DNAL4: variants seen among roughly 807,000 people sequenced by gnomAD.
DNAL4 encodes dynein light chain, outer arm 4.
DNAL4 carries 10 observed loss-of-function variants against 12.6 expected under a neutral mutation model. The ratio of observed to expected loss-of-function variants is 0.79; its 90% CI spans 0.49 to 1.34. The LOEUF (loss-of-function observed/expected upper bound fraction) is 1.34. DNAL4 is among the 40% of genes most tolerant of loss of function. DNAL4 has a pLI of 0.00. For synonymous variants in DNAL4, 46 were observed against 53.1 expected, an observed-to-expected ratio of 0.87 and a Z score of 0.58; for missense variants, 128 against 138.1, an observed-to-expected ratio of 0.93 and a Z score of 0.37.
rs773208580 is a variant in DNAL4, at chr22:38,782,714, C to T, written c.18G>A (p.Gly6=). Residue 6 remains glycine (G), a synonymous_variant, in exon 2 of 4, where the codon GGG becomes GGA. Coordinates refer to ENST00000216068, the MANE Select transcript of DNAL4 (RefSeq NM_005740.3). This position sits in a 1 kb window ranked among gnomAD's most constrained non-coding sequence, Gnocchi z 5.1. ...GCTTATAATCAGCCTCATCTTTCTTCCCTTCTGTTTCTCCCATGATCCTTC... is the reference window on the plus strand; with the variant it reads ...GCTTATAATCAGCCTCATCTTTCTTTCCTTCTGTTTCTCCCATGATCCTTC... MGETE[G]KKDEADYKRL... The T allele has an allele frequency of 6.8e-6, 11 of 1,612,152 alleles. No individual in the cohort carries two copies. The highest frequency in any genetic ancestry group is 2.2e-5 in the East Asian group (1 of 44,700).
chr22:38,790,249 C>T (rs867460942), intron 1 of DNAL4, among the ~76,000 whole-genome samples: 1 of 152,056 alleles, frequency 6.6e-6, no homozygotes, highest in African/African-American at 2.4e-5. Context: ...GAGCAGAGAC[C>T]GGAGGTAGGA....
chr22:38,789,649 T>C (rs983988868), intron 1 of DNAL4, among the ~76,000 whole-genome samples: 5 of 152,152 alleles, frequency 3.3e-5, no homozygotes, highest in African/African-American at 1.2e-4. Flanking sequence ...CAATCTAATA[T>C]GGAGACCAAC....
intron 3 of DNAL4, chr22:38,780,675 AG>A (rs1367431287): frequency 2.6e-5 from 13 of 494,194 alleles, no homozygotes; most frequent in Non-Finnish European, 4.4e-5. Flanking sequence ...CACCTGAGGC[AG>A]GGAACATGGG....
chr22:38,783,560 G>A (rs547579462), intron 1 of DNAL4, among the ~76,000 whole-genome samples: 12 of 152,216 alleles, frequency 7.9e-5, no homozygotes, highest in Non-Finnish European at 1.6e-4. Context: ...GAATGGGCAC[G>A]GTGCTGCTCT....
chr22:38,787,260 A>C (rs1471197202), intron 1 of DNAL4, among the ~76,000 whole-genome samples: 2 of 134,414 alleles, frequency 1.5e-5, no homozygotes, highest in African/African-American at 5.6e-5. Context: ...TTTTTTTTTG[A>C]GACAGCGTTT....
At position 38,788,002 on chromosome 22, in the gene DNAL4, AGACAAGCCAGTAACACAGAT is replaced by A. The variant is rs2093044980; in HGVS notation, c.-139-5152_-139-5133del. On this transcript the variant is annotated intron_variant, in intron 1 of 3. Coordinates refer to ENST00000216068, the MANE Select transcript of DNAL4 (RefSeq NM_005740.3). ...TTCTCCTTTGGCACAAGCAAGTAGGAGACAAGCCAGTAACACAGATGACTTCGATACTCAGCATCCACCCA... is the reference window on the plus strand; with the variant it reads ...TTCTCCTTTGGCACAAGCAAGTAGGAGACTTCGATACTCAGCATCCACCCA... 2.0e-5 allele frequency among the ~76,000 whole-genome samples: 3 copies of A among 152,308 alleles called. No homozygotes were observed. In the South Asian group the frequency reaches 6.2e-4, roughly 32 times the overall value.
intron 1 of DNAL4, among the ~76,000 whole-genome samples, chr22:38,793,750 G>C (rs767056998): frequency 4.6e-5 from 7 of 152,188 alleles, no homozygotes; most frequent in Non-Finnish European, 8.8e-5. Context: ...CTCCGCGAAA[G>C]GTCGAGGGAT....
chr22:38,782,326 T>G lies in DNAL4; in HGVS notation c.69+337A>C, dbSNP rs1309263414. Among the ~76,000 whole-genome samples the G allele has an allele frequency of 6.6e-6, 1 of 152,258 alleles. No homozygotes were observed. The highest frequency in any genetic ancestry group is 1.5e-5 in the Non-Finnish European group (1 of 68,050). ...CAGAAGCTAACCTCTGCTCTCCAGC[T>G]CCTTCCACCTGCTTCATTTTTCATT... On this transcript the variant is annotated intron_variant, in intron 2 of 3. Coordinates refer to ENST00000216068, the MANE Select transcript of DNAL4 (RefSeq NM_005740.3). This position sits in a 1 kb window ranked among gnomAD's most constrained non-coding sequence, Gnocchi z 5.1.
chr22:38,789,501 C>T (rs2093047353), intron 1 of DNAL4, among the ~76,000 whole-genome samples: 1 of 152,150 alleles, frequency 6.6e-6, no homozygotes, highest in Admixed American at 6.5e-5. Context: ...GTCTCAAACA[C>T]CTGAGCTCAA....
intron 1 of DNAL4, among the ~76,000 whole-genome samples, chr22:38,788,185 G>C (rs1052546539): frequency 1.3e-5 from 2 of 152,122 alleles, no homozygotes; most frequent in Non-Finnish European, 2.9e-5. Context: ...TAAGGACTTG[G>C]GCATTCGTCC....
rs141200803 is a variant in DNAL4, at chr22:38,781,398, T to A, written c.70-389A>T. 3.8e-3 allele frequency among the ~76,000 whole-genome samples: 577 copies of A among 152,320 alleles called. 4 individuals are homozygous for A. The highest frequency in any genetic ancestry group is 0.013 in the African/African-American group (539 of 41,568). ...CCCTGGTTTTCCTCCGGCCTTTCCC[T>A]CTGCTCCTTCTCCATCGATCTGCTG... On this transcript the variant is annotated intron_variant, in intron 2 of 3. Transcript: ENST00000216068.
chr22:38,785,983 C>T (rs989251165), intron 1 of DNAL4: 2 of 152,226 alleles, frequency 1.3e-5, no homozygotes, highest in African/African-American at 4.8e-5. Context: ...AACCACTACA[C>T]ATACTTCTGG....
intron 1 of DNAL4, among the ~76,000 whole-genome samples, chr22:38,792,096 A>G (rs2093051545): frequency 6.6e-6 from 1 of 152,112 alleles, no homozygotes; most frequent in South Asian, 2.1e-4. Flanking sequence ...TTCTTCCATA[A>G]TAAGTTAACC....
At position 38,783,169 on chromosome 22, in the gene DNAL4, G is replaced by A. The variant is rs534307372; in HGVS notation, c.-139-299C>T. ...GGCAGTGAGCAAATGCAGTTTCCCC[G>A]CGTACCCACTACATACACGGTCCTT... On this transcript the variant is annotated intron_variant, in intron 1 of 3. Transcript: ENST00000216068. 1.3e-3 allele frequency among the ~76,000 whole-genome samples: 205 copies of A among 152,234 alleles called. 1 individual carries two copies. Among genetic ancestry groups the A allele is most frequent in the African/African-American group, 4.6e-3 (189 of 41,516 alleles).
intron 1 of DNAL4, chr22:38,785,522 C>G (rs1020183836): frequency 6.6e-6 from 1 of 152,260 alleles, no homozygotes; most frequent in Non-Finnish European, 1.5e-5. Context: ...GCTGCTCTAA[C>G]ATGCAGAATC....
At chr22:38,789,035 G>A (rs191060428) in intron 1 of DNAL4, among the ~76,000 whole-genome samples, 8 of 152,202 alleles carry the variant, frequency 5.3e-5, no homozygotes, top group African/African-American at 1.7e-4. Flanking sequence ...GGAGGGGAGA[G>A]GACCTATCAC....
intron 1 of DNAL4, among the ~76,000 whole-genome samples, chr22:38,786,416 G>A (rs113012730): frequency 6.6e-6 from 1 of 152,270 alleles, no homozygotes; most frequent in African/African-American, 2.4e-5. Flanking sequence ...AAAATTAGCC[G>A]GATGTGGTGG....
Position 38,779,705 on chromosome 22 carries a change from G to A in DNAL4, c.154-92C>T. ...CAGGAAGGAGAAGGCTGGCACTGAG[G>A]TCTTGGCAAGAGAAAGGCCTGCTGT... On this transcript the variant is annotated intron_variant, in intron 3 of 3. Transcript: ENST00000216068. The surrounding 1 kb of genome is among the most constrained non-coding windows in gnomAD (Gnocchi z 4.3). 2 of 1,452,758 alleles carry A rather than the reference G, an allele frequency of 1.4e-6. No homozygotes were observed. Among genetic ancestry groups the A allele is most frequent in the Admixed American group, 2.4e-5 (1 of 41,348 alleles). The allele number at this position is 1,452,758 out of a possible 1,614,324, so 90.0% of individuals were successfully genotyped here.
intron 1 of DNAL4, among the ~76,000 whole-genome samples, chr22:38,792,785 C>A (rs906016208): frequency 9.9e-5 from 15 of 152,128 alleles, no homozygotes; most frequent in Non-Finnish European, 2.2e-4. Flanking sequence ...TGAATACCTC[C>A]TGAAGGACCT....
Sources: gnomAD v4.1 joint callset for allele counts (sites outside exome capture counted in the v4.1 genomes callset) on GRCh38, gnomAD v4.1.1 for gene constraint, Gnocchi (gnomAD v3.1) non-coding constraint, MANE v1.5 for transcripts, NCBI Gene and HGNC (gene_info 2026-07-23, HGNC 2026-07-21) for gene names.